The following NDUFA10 variants were observed in gnomAD, a reference collection of about 807,000 sequenced individuals.
NDUFA10 encodes NADH dehydrogenase [ubiquinone] 1 alpha subcomplex subunit 10, mitochondrial.
Under a neutral mutation model 47.8 loss-of-function variants are expected in NDUFA10, and 40 were observed. That is an observed-to-expected ratio of 0.84 (90% CI 0.65 to 1.09). The LOEUF (loss-of-function observed/expected upper bound fraction) is 1.09, where lower values mean the gene tolerates loss of function less well. Among genes scored for constraint, NDUFA10 ranks in the 50% least tolerant of loss-of-function variants. The pLI is 0.00. For missense variants in NDUFA10, 413 were observed against 451.1 expected (o/e 0.92, Z 0.76); for synonymous variants, 183 against 172.2 (o/e 1.06, Z -0.49).
intron 4 of NDUFA10, among the ~76,000 whole-genome samples, chr2:239,923,633 A>G (rs1342802311): frequency 6.6e-6 from 1 of 152,180 alleles, no homozygotes; most frequent in African/African-American, 2.4e-5. Context: ...CTTACATTAG[A>G]AAAGAGGAAG....
intron 3 of NDUFA10, 116 bp from the exon 4 acceptor site, chr2:240,018,755 A>G (rs1697477568): frequency 4.4e-6 from 5 of 1,136,074 alleles, no homozygotes; most frequent in Non-Finnish European, 6.5e-6. Context: ...CCATTTCCAC[A>G]CCAAAATACT....
At chr2:239,897,293 C>A (rs1693416338) in intron 4 of NDUFA10, among the ~76,000 whole-genome samples, 1 of 151,928 alleles carries the variant, frequency 6.6e-6, no homozygotes, top group Non-Finnish European at 1.5e-5. Context: ...AGTAAAAATT[C>A]AAGAAAAATC....
At chr2:239,914,840 A>G (rs1437933138) in intron 4 of NDUFA10, among the ~76,000 whole-genome samples, 1 of 148,910 alleles carries the variant, frequency 6.7e-6, no homozygotes, top group Non-Finnish European at 1.5e-5. Context: ...CACACACACA[A>G]ATATACAGAC....
In NDUFA10 at chr2:239,957,458, A is replaced by C. The variant is rs1401749069; in HGVS notation, c.*3660T>G. The C allele has an allele frequency of 6.6e-6, 1 of 152,238 alleles. No homozygotes were observed. The highest frequency in any genetic ancestry group is 1.5e-5 in the Non-Finnish European group (1 of 68,046). The allele number at this position is 152,238 out of a possible 1,614,324, so 9.4% of individuals were successfully genotyped here. A position where few individuals can be genotyped will look rare whatever the true frequency, so the allele number is the denominator to read the frequency against. ...ATGTAACCAGCAATTGGATCTAACTAACTAGGGAGCTTCAGAATTTTAATT... is the reference window on the plus strand; with the variant it reads ...ATGTAACCAGCAATTGGATCTAACTCACTAGGGAGCTTCAGAATTTTAATT... On this transcript the variant is annotated 3_prime_UTR_variant, in exon 10 of 10. Transcript: ENST00000252711.
intron 4 of NDUFA10, among the ~76,000 whole-genome samples, chr2:239,931,914 C>T (rs1340250094): frequency 7.0e-6 from 1 of 142,460 alleles, no homozygotes; most frequent in Non-Finnish European, 1.5e-5. Flanking sequence ...CGGCTCACTG[C>T]AAGCTCCGCC....
At chr2:239,931,505 C>A (rs542143828) in intron 4 of NDUFA10, among the ~76,000 whole-genome samples, 1 of 152,002 alleles carries the variant, frequency 6.6e-6, no homozygotes, top group East Asian at 1.9e-4. Flanking sequence ...CCACTCGCCT[C>A]GCCACAGCGT....
chr2:239,899,040 G>C (rs1344190525), intron 4 of NDUFA10, among the ~76,000 whole-genome samples: 1 of 95,196 alleles, frequency 1.1e-5, no homozygotes, highest in Non-Finnish European at 2.4e-5. Flanking sequence ...GTGTAAAGGA[G>C]GGGTGTGATG....
At chr2:240,021,889 A>G (rs1697636898) in intron 2 of NDUFA10, among the ~76,000 whole-genome samples, 1 of 152,244 alleles carries the variant, frequency 6.6e-6, no homozygotes, top group African/African-American at 2.4e-5. Context: ...ACGACAGTTT[A>G]TGTGGAAGTG....
At position 239,915,599 on chromosome 2, in the gene NDUFA10, TACAC is replaced by T. The variant is rs528123556; in HGVS notation, c.295-20289_295-20286del. On this transcript the variant is annotated intron_variant, in intron 4 of 5. Coordinates refer to the NDUFA10 transcript ENST00000419408. The stretch of plus-strand genomic sequence containing the variant: ...ACAGACACACACACAGAGATACACA[TACAC>T]ACACACACACATACACAGACACACA... Among the ~76,000 whole-genome samples, 11 of 121,328 alleles carry T rather than the reference TACAC, an allele frequency of 9.1e-5. 1 individual carries two copies. Among genetic ancestry groups the T allele is most frequent in the African/African-American group, 2.3e-4 (7 of 30,496 alleles). 79.6% of individuals were successfully genotyped at this position (121,328 alleles called of 152,430 possible). A position where few individuals can be genotyped will look rare whatever the true frequency, so the allele number is the denominator to read the frequency against.
intron 4 of NDUFA10, among the ~76,000 whole-genome samples, chr2:239,902,448 T>C (rs1179307657): frequency 6.6e-6 from 1 of 152,244 alleles, no homozygotes; most frequent in Non-Finnish European, 1.5e-5. Flanking sequence ...CACATTGTTT[T>C]TGTGAGACAT....
rs930063192 is a variant in NDUFA10 at position 240,016,559 on chromosome 2, CAG to C, written c.548-1701_548-1700del. Among the ~76,000 whole-genome samples the C allele has an allele frequency of 1.2e-4, 18 of 152,162 alleles. No homozygotes were observed. The highest frequency in any genetic ancestry group is 4.3e-4 in the African/African-American group (18 of 41,430). Reference sequence around the variant, plus strand: ...GTGACAGTCACTTCTCAGTTCCCATCAGAGTCACAGCACATGTGACACCAACA... The same window carrying C: ...GTGACAGTCACTTCTCAGTTCCCATCAGTCACAGCACATGTGACACCAACA... On this transcript the variant is annotated intron_variant, in intron 4 of 9. Coordinates refer to ENST00000252711, the MANE Select transcript of NDUFA10 (RefSeq NM_004544.4). This position sits in a 1 kb window ranked among gnomAD's most constrained non-coding sequence, Gnocchi z 4.4.
intron 8 of NDUFA10, among the ~76,000 whole-genome samples, chr2:240,001,652 T>C (rs1401384664): frequency 5.3e-5 from 8 of 152,252 alleles, no homozygotes; most frequent in Non-Finnish European, 8.8e-5. Flanking sequence ...GAAATATACT[T>C]TTATTTTCTC....
chr2:240,022,212 A>C lies in NDUFA10; in HGVS notation c.204T>G (p.Thr68=). 1 of 1,614,158 alleles carries C rather than the reference A, an allele frequency of 6.2e-7. No homozygotes were observed. The highest frequency in any genetic ancestry group is 8.5e-7 in the Non-Finnish European group (1 of 1,180,004). ...RVITVDGNIC[T]GKGKLAKEIA... is the part of the protein sequence containing the mutation. ...TTTCTTTTGCAAGTTTGCCTTTTCCAGTACATATATTGCCATCTACAGTTA... is the reference window on the plus strand; with the variant it reads ...TTTCTTTTGCAAGTTTGCCTTTTCCCGTACATATATTGCCATCTACAGTTA... The change falls in exon 2 of 10, where the codon ACT becomes ACG. Residue 68 remains threonine (T), a synonymous_variant. Coordinates refer to ENST00000252711, the MANE Select transcript of NDUFA10 (RefSeq NM_004544.4).
intron 7 of NDUFA10, among the ~76,000 whole-genome samples, chr2:240,007,081 C>G (rs1313636494): frequency 6.6e-6 from 1 of 152,156 alleles, no homozygotes; most frequent in Non-Finnish European, 1.5e-5. Flanking sequence ...GTGGATGACC[C>G]AAGATTCTGT....
chr2:239,910,664 C>T (rs763774578), intron 4 of NDUFA10, among the ~76,000 whole-genome samples: 13 of 152,216 alleles, frequency 8.5e-5, no homozygotes, highest in South Asian at 2.1e-4. Context: ...CCATGACACA[C>T]GTTTACCTGT....
chr2:239,902,862 C>G (rs952540397), intron 4 of NDUFA10, among the ~76,000 whole-genome samples: 1 of 152,044 alleles, frequency 6.6e-6, no homozygotes, highest in Non-Finnish European at 1.5e-5. Flanking sequence ...AGGATTCCTG[C>G]GGAAGGGGGC....
chr2:239,928,542 A>G lies in NDUFA10; in HGVS notation c.295-33228T>C, dbSNP rs756189024. ...CGCGAGCCGCTGCTGGGTTTAATGC[A>G]GTTCCTGTCTCCCACCCTGGAGCTG... On this transcript the variant is annotated intron_variant, in intron 4 of 5. Transcript: ENST00000419408. The surrounding 1 kb of genome is among the most constrained non-coding windows in gnomAD (Gnocchi z 4.3). Among the ~76,000 whole-genome samples the G allele has an allele frequency of 3.3e-5, 5 of 152,112 alleles. No homozygotes were observed. Among genetic ancestry groups the G allele is most frequent in the Non-Finnish European group, 7.4e-5 (5 of 68,024 alleles).
chr2:240,018,016 G>C, intron 4 of NDUFA10: 1 of 886,562 alleles, frequency 1.1e-6, no homozygotes, highest in Non-Finnish European at 1.8e-6. Context: ...CTCAAGGTCA[G>C]CCTGCTTCAA....
At chr2:239,970,518 G>A (rs1162383377) in intron 9 of NDUFA10, among the ~76,000 whole-genome samples, 1 of 152,226 alleles carries the variant, frequency 6.6e-6, no homozygotes, top group East Asian at 1.9e-4. Context: ...CTAAAAAATT[G>A]TTTCAATCTC....
Sources: allele counts gnomAD v4.1 joint callset (sites outside exome capture counted in the v4.1 genomes callset), GRCh38; gene constraint gnomAD v4.1.1; non-coding constraint Gnocchi (gnomAD v3.1); transcripts MANE v1.5; gene names NCBI Gene and HGNC (gene_info 2026-07-23, HGNC 2026-07-21).